RUNDC3B: variants seen among roughly 807,000 people sequenced by gnomAD.
RUNDC3B encodes RUN domain-containing protein 3B.
Under a neutral mutation model 58.4 loss-of-function variants are expected in RUNDC3B, and 33 were observed. The ratio of observed to expected loss-of-function variants is 0.56; its 90% CI spans 0.43 to 0.75. The LOEUF is 0.75. Ranked by LOEUF, RUNDC3B falls within the 30% of genes least tolerant of loss-of-function variation. The pLI, the probability that RUNDC3B is intolerant of heterozygous loss-of-function variation, is 0.00. For missense variants in RUNDC3B, 501 were observed against 535.7 expected (o/e 0.94, Z 0.64); for synonymous variants, 193 against 195.2 (o/e 0.99, Z 0.10).
chr7:87,786,023 T>A (rs1202275134), intron 8 of RUNDC3B, among the ~76,000 whole-genome samples: 2 of 152,196 alleles, frequency 1.3e-5, no homozygotes, highest in African/African-American at 4.8e-5. Flanking sequence ...CCAACTTCCT[T>A]TTCAACCTTG....
At chr7:87,762,339 C>T (rs1414619191) in intron 6 of RUNDC3B, among the ~76,000 whole-genome samples, 1 of 151,368 alleles carries the variant, frequency 6.6e-6, no homozygotes, top group East Asian at 1.9e-4. Context: ...AGTATATTAT[C>T]TTAATCCCTT....
intron 6 of RUNDC3B, among the ~76,000 whole-genome samples, chr7:87,767,745 A>G (rs532098567): frequency 1.3e-5 from 2 of 152,178 alleles, no homozygotes; most frequent in Admixed American, 6.5e-5. Flanking sequence ...GTAGTTCATG[A>G]TAGGATGCAC....
intron 6 of RUNDC3B, among the ~76,000 whole-genome samples, chr7:87,754,176 C>T (rs1487732406): frequency 6.6e-6 from 1 of 152,146 alleles, no homozygotes; most frequent in East Asian, 1.9e-4. Context: ...CTGAAACTGA[C>T]CACATAATTG....
At position 87,799,827 on chromosome 7, in the gene RUNDC3B, A is replaced by C. The variant is rs540447044; in HGVS notation, c.957-7546A>C. ...CTTGAACCTGGAAGGCGGAGGTTGC[A>C]GTGAGCCAAGATCGTGCCACTGCAC... On this transcript the variant is annotated intron_variant, in intron 8 of 10. Transcript: ENST00000394654. Among the ~76,000 whole-genome samples, 6 of 149,926 alleles carry C rather than the reference A, an allele frequency of 4.0e-5. No individual in the cohort carries two copies. In the South Asian group the frequency reaches 1.3e-3, roughly 32 times the overall value.
At chr7:87,639,016 A>G (rs1822147024) in intron 1 of RUNDC3B, among the ~76,000 whole-genome samples, 1 of 151,978 alleles carries the variant, frequency 6.6e-6, no homozygotes, top group East Asian at 1.9e-4. Context: ...GCCAGGCGTG[A>G]TGGCAGGCGC....
chr7:87,630,792 A>T (rs557390514), intron 1 of RUNDC3B, among the ~76,000 whole-genome samples: 153 of 150,358 alleles, frequency 1.0e-3, no homozygotes, highest in African/African-American at 3.6e-3. Flanking sequence ...TTGCTTCTCC[A>T]TTTTTGTCTT....
intron 1 of RUNDC3B, among the ~76,000 whole-genome samples, chr7:87,634,346 G>A (rs1178971077): frequency 1.3e-5 from 2 of 152,100 alleles, no homozygotes; most frequent in African/African-American, 2.4e-5. Flanking sequence ...TGTTGGCTGG[G>A]TGTGGTGGCT....
At chr7:87,655,810 G>C (rs1034549980) in intron 2 of RUNDC3B, among the ~76,000 whole-genome samples, 1 of 152,116 alleles carries the variant, frequency 6.6e-6, no homozygotes, top group Non-Finnish European at 1.5e-5. Flanking sequence ...ACAGTGCTGG[G>C]AAGTGGGGCT....
chr7:87,824,000 C>T (rs1397568871), intron 10 of RUNDC3B, among the ~76,000 whole-genome samples: 3 of 151,722 alleles, frequency 2.0e-5, no homozygotes, highest in African/African-American at 7.3e-5. Context: ...AATAGTGAAG[C>T]AGGAAAAAAG....
intron 2 of RUNDC3B, among the ~76,000 whole-genome samples, chr7:87,683,790 A>C (rs998611251): frequency 9.9e-5 from 15 of 152,228 alleles, no homozygotes; most frequent in African/African-American, 3.6e-4. Context: ...CTATTGGAAA[A>C]ATTGCACCGA....
chr7:87,757,326 A>G (rs2130846419), intron 6 of RUNDC3B, among the ~76,000 whole-genome samples: 1 of 152,306 alleles, frequency 6.6e-6, no homozygotes, highest in Non-Finnish European at 1.5e-5. Flanking sequence ...CTGATAAACA[A>G]GTTCAGTAAA....
intron 2 of RUNDC3B, among the ~76,000 whole-genome samples, chr7:87,686,865 A>T (rs1827514563): frequency 6.6e-6 from 1 of 151,248 alleles, no homozygotes; most frequent in African/African-American, 2.4e-5. Context: ...GGGTCACCTG[A>T]GCCCAAGGAG....
chr7:87,632,696 G>C (rs1222053724), intron 1 of RUNDC3B, among the ~76,000 whole-genome samples: 1 of 151,968 alleles, frequency 6.6e-6, no homozygotes, highest in Non-Finnish European at 1.5e-5. Context: ...TCAGATATTA[G>C]TCATTTTTTC....
chr7:87,758,107 T>A (rs1202653457), intron 6 of RUNDC3B, among the ~76,000 whole-genome samples: 3 of 152,100 alleles, frequency 2.0e-5, no homozygotes, highest in Non-Finnish European at 4.4e-5. Context: ...TCTTTTGAAG[T>A]CAGGAGTTTG....
intron 1 of RUNDC3B, 190 bp downstream of exon 1, chr7:87,629,135 T>A: frequency 2.2e-6 from 1 of 451,122 alleles, no homozygotes; most frequent in Non-Finnish European, 3.7e-6. Flanking sequence ...GTCGCAGCCC[T>A]GGACTTTGTG....
In RUNDC3B at chr7:87,830,129, C is replaced by A; in HGVS notation, c.*99C>A. Reference sequence around the variant, plus strand: ...TTTGAAATTTTATATTGTTCTGGTACATGTCTGAAATTCTATTGCTTGGAG... The same window carrying A: ...TTTGAAATTTTATATTGTTCTGGTAAATGTCTGAAATTCTATTGCTTGGAG... On this transcript the variant is annotated 3_prime_UTR_variant, in exon 11 of 11. Transcript: ENST00000394654. 1 of 610,414 alleles carries A rather than the reference C, an allele frequency of 1.6e-6. No individual in the cohort carries two copies. Among genetic ancestry groups the A allele is most frequent in the Non-Finnish European group, 2.6e-6 (1 of 387,468 alleles). The allele number at this position is 610,414 out of a possible 1,614,324, so 37.8% of individuals were successfully genotyped here.
intron 4 of RUNDC3B, among the ~76,000 whole-genome samples, chr7:87,722,937 C>A (rs1323504730): frequency 2.6e-5 from 4 of 152,166 alleles, no homozygotes; most frequent in African/African-American, 7.2e-5. Context: ...GCACCACAAA[C>A]AAACGCATCT....
intron 2 of RUNDC3B, among the ~76,000 whole-genome samples, chr7:87,654,284 AG>A (rs1445562626): frequency 1.1e-4 from 16 of 152,122 alleles, no homozygotes; most frequent in African/African-American, 3.9e-4. Context: ...AGCAATCTTG[AG>A]CAAAAAGAAC....
chr7:87,750,176 A>G (rs376951830), intron 6 of RUNDC3B, among the ~76,000 whole-genome samples: 121 of 152,082 alleles, frequency 8.0e-4, no homozygotes, highest in African/African-American at 2.7e-3. Flanking sequence ...ATGATTTCCA[A>G]TTTCATCCAT....
Sources: gnomAD v4.1 joint callset for allele counts (sites outside exome capture counted in the v4.1 genomes callset) on GRCh38, gnomAD v4.1.1 for gene constraint, MANE v1.5 for transcripts, NCBI Gene and HGNC (gene_info 2026-07-23, HGNC 2026-07-21) for gene names.